The following ZC3H12B variants were observed in gnomAD, a reference collection of about 807,000 sequenced individuals.
ZC3H12B encodes zinc finger CCCH-type containing 12B.
Under a neutral mutation model 43.9 loss-of-function variants are expected in ZC3H12B, and 7 were observed. That is an observed-to-expected ratio of 0.16 (90% CI 0.09 to 0.30). ZC3H12B has a LOEUF of 0.30. Ranked by LOEUF, ZC3H12B falls within the 10% of genes least tolerant of loss-of-function variation. The probability of loss-of-function intolerance (pLI) is 1.00; values close to 1 mark genes in which losing one functional copy is unlikely to be tolerated. For missense variants in ZC3H12B, 475 were observed against 670.2 expected, an observed-to-expected ratio of 0.71 and a Z score of 3.22; for synonymous variants, 222 against 241.7, an observed-to-expected ratio of 0.92 and a Z score of 0.76.
the ZC3H12B span, among the ~76,000 whole-genome samples, chrX:65,251,254 G>A: frequency 9.0e-6 from 1 of 111,426 alleles, no homozygotes; most frequent in African/African-American, 3.3e-5. Flanking sequence ...TTGTAGATGT[G>A]TGGCGTTATT....
the ZC3H12B span, among the ~76,000 whole-genome samples, chrX:65,127,660 A>T: frequency 2.7e-5 from 3 of 110,831 alleles, no homozygotes; most frequent in Non-Finnish European, 5.7e-5. Context: ...AGGGATAGGT[A>T]TGTCTCAGCT....
the ZC3H12B span, chrX:65,271,711 T>C: frequency 2.6e-5 from 3 of 115,970 alleles, no homozygotes; most frequent in South Asian, 9.7e-4. Flanking sequence ...CTGTGGATCT[T>C]AGGGATATTA....
the ZC3H12B span, among the ~76,000 whole-genome samples, chrX:65,281,781 G>A: frequency 8.9e-6 from 1 of 112,118 alleles, no homozygotes; most frequent in African/African-American, 3.2e-5. Flanking sequence ...TGACAGATAA[G>A]ACCTTAAAAA....
At chrX:65,136,314 G>A in the ZC3H12B span, among the ~76,000 whole-genome samples, 1 of 111,112 alleles carries the variant, frequency 9.0e-6, no homozygotes, top group African/African-American at 3.3e-5. Flanking sequence ...GGGTAGGGGT[G>A]AGAGTTTTTT....
At chrX:65,386,176 G>A (rs1477518250) in intron 2 of ZC3H12B, among the ~76,000 whole-genome samples, 1 of 111,960 alleles carries the variant, frequency 8.9e-6, no homozygotes, top group African/African-American at 3.2e-5. Flanking sequence ...GAATTAGGGA[G>A]GATTCCCTCT....
intron 2 of ZC3H12B, among the ~76,000 whole-genome samples, chrX:65,396,572 G>T (rs1324585321): frequency 2.9e-5 from 3 of 103,585 alleles, no homozygotes; most frequent in African/African-American, 3.8e-5. Context: ...CAGGTTTTTT[G>T]TTTTTGTCTT....
At chrX:65,502,648 C>G (rs1339273411) in exon 5 of ZC3H12B, 2 of 1,206,916 alleles carry the variant, frequency 1.7e-6, no homozygotes. Context: ...CTAAGCAAGG[C>G]CCCCACAAAC....
At chrX:65,174,647 G>A in the ZC3H12B span, among the ~76,000 whole-genome samples, 2 of 111,326 alleles carry the variant, frequency 1.8e-5, no homozygotes, top group African/African-American at 6.5e-5. Context: ...TGCCCAATCT[G>A]AAGTTCCCGG....
intron 2 of ZC3H12B, among the ~76,000 whole-genome samples, chrX:65,369,552 T>G (rs1211706344): frequency 8.9e-6 from 1 of 111,840 alleles, no homozygotes; most frequent in South Asian, 3.7e-4. Flanking sequence ...CTACCTCTAC[T>G]TCATTGTGCC....
At chrX:65,283,920 T>G in the ZC3H12B span, among the ~76,000 whole-genome samples, 1 of 111,289 alleles carries the variant, frequency 9.0e-6, no homozygotes, top group South Asian at 3.8e-4. Context: ...AACACTGTGC[T>G]GCTGATATTT....
the ZC3H12B span, among the ~76,000 whole-genome samples, chrX:65,107,245 A>T: frequency 0.065 from 7,214 of 111,125 alleles, 278 homozygotes; most frequent in Non-Finnish European, 0.1. Flanking sequence ...TGAGGCAGGG[A>T]TGTGCAAATA....
At chrX:65,043,542 C>T in the ZC3H12B span, among the ~76,000 whole-genome samples, 1 of 110,277 alleles carries the variant, frequency 9.1e-6, no homozygotes, top group African/African-American at 3.3e-5. Context: ...CTTGTGGTTT[C>T]TAGTTTTTCC....
the ZC3H12B span, among the ~76,000 whole-genome samples, chrX:65,169,772 C>A: frequency 8.0e-5 from 9 of 112,048 alleles, no homozygotes; most frequent in Admixed American, 2.8e-4. Flanking sequence ...TGAATTAATT[C>A]TTTTACCATT....
intron 3 of ZC3H12B, among the ~76,000 whole-genome samples, chrX:65,417,171 C>T (rs2066972295): frequency 1.8e-5 from 2 of 111,778 alleles, no homozygotes; most frequent in Admixed American, 1.9e-4. Context: ...TTTTAATGGG[C>T]TCCTAGATAA....
chrX:65,310,991 T>A, the ZC3H12B span, among the ~76,000 whole-genome samples: 1 of 112,102 alleles, frequency 8.9e-6, no homozygotes, highest in African/African-American at 3.2e-5. Flanking sequence ...ATACAAAAAT[T>A]AATTCAAGAT....
At chrX:65,277,146 A>T in the ZC3H12B span, among the ~76,000 whole-genome samples, 1 of 112,030 alleles carries the variant, frequency 8.9e-6, no homozygotes, top group Admixed American at 9.5e-5. Context: ...TAATAAAGAG[A>T]TCGATTAAGA....
the ZC3H12B span, among the ~76,000 whole-genome samples, chrX:65,094,865 A>T: frequency 1.8e-5 from 2 of 112,068 alleles, no homozygotes; most frequent in Admixed American, 9.4e-5. Context: ...AGGAAAAAAC[A>T]CTTGTGTGTT....
At chrX:65,456,412 T>G (rs1231848480) in intron 3 of ZC3H12B, among the ~76,000 whole-genome samples, 2 of 9,913 alleles carry the variant, frequency 2.0e-4, no homozygotes, top group East Asian at 0.013. Flanking sequence ...TCCCTCTCCC[T>G]CTCCCTCTCC....
At chrX:65,451,344 A>C (rs915799839) in intron 3 of ZC3H12B, among the ~76,000 whole-genome samples, 2 of 111,009 alleles carry the variant, frequency 1.8e-5, no homozygotes, top group African/African-American at 6.6e-5. Flanking sequence ...GTGTGTTCTC[A>C]AGTAGTGTAT....
Sources: allele counts gnomAD v4.1 joint callset (sites outside exome capture counted in the v4.1 genomes callset), GRCh38; gene constraint gnomAD v4.1.1; transcripts MANE v1.5; gene names NCBI Gene and HGNC (gene_info 2026-07-23, HGNC 2026-07-21).